Variants in NSMCE2 observed in about 807,000 individuals in gnomAD.
NSMCE2 encodes E3 SUMO-protein ligase NSE2.
NSMCE2 carries 24 observed loss-of-function variants against 23.8 expected under a neutral mutation model. The observed-to-expected ratio is 1.01, with a 90% confidence interval of 0.73 to 1.42. The LOEUF (loss-of-function observed/expected upper bound fraction) is 1.42, where lower values mean the gene tolerates loss of function less well. NSMCE2 is among the 40% of genes most tolerant of loss of function. The pLI is 0.00. For missense variants in NSMCE2, 284 were observed against 296.5 expected (o/e 0.96, Z 0.31); for synonymous variants, 92 against 94.1 (o/e 0.98, Z 0.13).
chr8:125,107,877 T>TA (rs2130401953), intron 3 of NSMCE2, among the ~76,000 whole-genome samples: 1 of 151,674 alleles, frequency 6.6e-6, no homozygotes, highest in Non-Finnish European at 1.5e-5. Flanking sequence ...CTACAAAACA[T>TA]ACAAAAATTA....
chr8:125,340,026 T>G (rs1354666119), intron 5 of NSMCE2, among the ~76,000 whole-genome samples: 2 of 145,372 alleles, frequency 1.4e-5, no homozygotes, highest in Admixed American at 6.8e-5. Flanking sequence ...TTTTTTTTTT[T>G]TTTTTTGAGA....
At chr8:125,210,887 C>T (rs1249376834) in intron 5 of NSMCE2, among the ~76,000 whole-genome samples, 4 of 151,892 alleles carry the variant, frequency 2.6e-5, no homozygotes, top group Non-Finnish European at 4.4e-5. Context: ...TGCCACTATG[C>T]CCGGCTAATT....
chr8:125,341,914 A>G (rs868654630), intron 5 of NSMCE2, among the ~76,000 whole-genome samples: 2 of 151,686 alleles, frequency 1.3e-5, no homozygotes, highest in African/African-American at 4.8e-5. Flanking sequence ...AAAAAAAAAA[A>G]AAAAAAAACC....
intron 5 of NSMCE2, among the ~76,000 whole-genome samples, chr8:125,217,817 T>A (rs1173498586): frequency 6.6e-6 from 1 of 151,598 alleles, no homozygotes; most frequent in East Asian, 1.9e-4. Context: ...TTCTCTATCT[T>A]CTCCAGTTGC....
At chr8:125,312,533 G>C (rs1227363685) in intron 5 of NSMCE2, among the ~76,000 whole-genome samples, 2 of 152,220 alleles carry the variant, frequency 1.3e-5, no homozygotes, top group African/African-American at 4.8e-5. Flanking sequence ...GCTGAGGCAG[G>C]AGAATTGCTT....
At chr8:125,320,942 A>T (rs1475519793) in intron 5 of NSMCE2, among the ~76,000 whole-genome samples, 1 of 152,182 alleles carries the variant, frequency 6.6e-6, no homozygotes, top group Admixed American at 6.5e-5. Flanking sequence ...TCATGGCAGA[A>T]GGCAAAGTGG....
intron 3 of NSMCE2, among the ~76,000 whole-genome samples, chr8:125,133,993 G>A (rs779001012): frequency 2.0e-5 from 3 of 152,122 alleles, no homozygotes; most frequent in African/African-American, 7.2e-5. Flanking sequence ...GGCAGGACTC[G>A]AGAATTTGCA....
intron 5 of NSMCE2, among the ~76,000 whole-genome samples, chr8:125,278,194 C>A (rs187111280): frequency 2.2e-3 from 338 of 152,136 alleles, no homozygotes; most frequent in African/African-American, 7.7e-3. Context: ...GTTTTGTTTT[C>A]TTTTATTTAT....
chr8:125,205,860 A>G (rs2130872128), intron 5 of NSMCE2, among the ~76,000 whole-genome samples: 1 of 152,302 alleles, frequency 6.6e-6, no homozygotes, highest in Admixed American at 6.5e-5. Flanking sequence ...TTATAATACA[A>G]TGATTTAAGA....
chr8:125,227,216 G>C (rs1339689317), intron 5 of NSMCE2, among the ~76,000 whole-genome samples: 1 of 152,148 alleles, frequency 6.6e-6, no homozygotes, highest in Non-Finnish European at 1.5e-5. Flanking sequence ...TGAGAAGCAG[G>C]AGCAGGCCTG....
intron 5 of NSMCE2, among the ~76,000 whole-genome samples, chr8:125,219,076 T>C (rs1824729452): frequency 6.6e-6 from 1 of 152,116 alleles, no homozygotes; most frequent in Non-Finnish European, 1.5e-5. Context: ...CCAGATAAAA[T>C]CCCTGAACAC....
At chr8:125,323,244 C>G (rs183225383) in intron 5 of NSMCE2, among the ~76,000 whole-genome samples, 5 of 152,196 alleles carry the variant, frequency 3.3e-5, no homozygotes, top group African/African-American at 1.2e-4. Flanking sequence ...TCTGTTGATT[C>G]AAAGAAACCA....
intron 3 of NSMCE2, among the ~76,000 whole-genome samples, chr8:125,110,759 G>GTTTTTTTTTTTTTT (rs1387354813): frequency 5.2e-5 from 3 of 58,130 alleles, no homozygotes; most frequent in African/African-American, 2.2e-4. Context: ...TTTGGTTGTT[G>GTTTTTTTTTTTTTT]TTGTTTTTTT....
At chr8:125,095,339 C>T (rs1817877285) in intron 1 of NSMCE2, among the ~76,000 whole-genome samples, 1 of 152,058 alleles carries the variant, frequency 6.6e-6, no homozygotes, top group African/African-American at 2.4e-5. Flanking sequence ...CCTATAATCC[C>T]AGCACTTGAG....
intron 5 of NSMCE2, among the ~76,000 whole-genome samples, chr8:125,232,908 CAGGTAA>C (rs1825388666): frequency 6.6e-6 from 1 of 152,192 alleles, no homozygotes; most frequent in Non-Finnish European, 1.5e-5. Context: ...CAGGAACTAG[CAGGTAA>C]ACAGGATATT....
At chr8:125,327,265 C>CAAAA (rs59574355) in intron 5 of NSMCE2, among the ~76,000 whole-genome samples, 6 of 118,688 alleles carry the variant, frequency 5.1e-5, no homozygotes, top group East Asian at 2.3e-4. Flanking sequence ...GACTCCATCT[C>CAAAA]AAAAAAAAAA....
chr8:125,190,820 T>C (rs538661542), intron 5 of NSMCE2, among the ~76,000 whole-genome samples: 109 of 152,306 alleles, frequency 7.2e-4, no homozygotes, highest in African/African-American at 2.5e-3. Context: ...CCGACATTGT[T>C]TGAGTGCTTA....
At chr8:125,281,627 C>G (rs1207177992) in intron 5 of NSMCE2, among the ~76,000 whole-genome samples, 2 of 152,018 alleles carry the variant, frequency 1.3e-5, no homozygotes, top group African/African-American at 4.8e-5. Flanking sequence ...TTTAGTAGAG[C>G]AGGTATTTTG....
At chr8:125,307,593 G>C (rs966735151) in intron 5 of NSMCE2, among the ~76,000 whole-genome samples, 3 of 152,216 alleles carry the variant, frequency 2.0e-5, no homozygotes, top group African/African-American at 7.2e-5. Context: ...ACTTCCCCTA[G>C]CTTGCCCTAG....
Sources: allele counts gnomAD v4.1 joint callset (sites outside exome capture counted in the v4.1 genomes callset), GRCh38; gene constraint gnomAD v4.1.1; transcripts MANE v1.5; gene names NCBI Gene and HGNC (gene_info 2026-07-23, HGNC 2026-07-21).